NTAN1: variants seen among roughly 807,000 people sequenced by gnomAD.
NTAN1 encodes N-terminal asparagine amidase, also known as protein N-terminal asparagine amidohydrolase.
In NTAN1, 32 loss-of-function variants were observed where a neutral mutation model predicts 41.9. That is an observed-to-expected ratio of 0.76 (90% CI 0.58 to 1.03). The LOEUF (loss-of-function observed/expected upper bound fraction) is 1.03, where lower values mean the gene tolerates loss of function less well. NTAN1 is among the 50% of genes least tolerant of loss of function. NTAN1 has a pLI of 0.00. For synonymous variants in NTAN1, 140 were observed against 139.5 expected, an observed-to-expected ratio of 1.00 and a Z score of -0.03; for missense variants, 377 against 377.5, an observed-to-expected ratio of 1.00 and a Z score of 0.01.
chr16:15,041,796 C>T, intron 5 of NTAN1, 120 bp from the exon 6 acceptor site: 1 of 743,560 alleles, frequency 1.3e-6, no homozygotes, highest in Admixed American at 1.8e-5. Context: ...CGCCCTACAG[C>T]CCGCGCCCAC....
At chr16:15,049,101 C>T (rs1349795605) in intron 1 of NTAN1, among the ~76,000 whole-genome samples, 1 of 150,674 alleles carries the variant, frequency 6.6e-6, no homozygotes, top group Admixed American at 6.6e-5. Flanking sequence ...CCTATGCTCC[C>T]CAGGCTGGTC....
chr16:15,043,817 G>A (rs948041810), intron 5 of NTAN1, among the ~76,000 whole-genome samples: 5 of 151,940 alleles, frequency 3.3e-5, no homozygotes, highest in Admixed American at 1.3e-4. Context: ...GTGTGGTGGC[G>A]CACGCCTGTG....
At chr16:15,044,565 A>G (rs898549470) in intron 4 of NTAN1, 158 bp from the exon 5 acceptor site, 2 of 628,078 alleles carry the variant, frequency 3.2e-6, no homozygotes, top group Non-Finnish European at 5.7e-6. Context: ...TCGGCAGCAC[A>G]CTGCCAAGGC....
intron 1 of NTAN1, 87 bp downstream of exon 1, chr16:15,055,804 A>T: frequency 1.4e-6 from 1 of 709,606 alleles, no homozygotes; most frequent in Non-Finnish European, 2.0e-6. Flanking sequence ...GCCAAGTTTC[A>T]AGTCTGTGTC....
chr16:15,048,534 C>T (rs938980987), intron 1 of NTAN1, among the ~76,000 whole-genome samples: 1 of 151,184 alleles, frequency 6.6e-6, no homozygotes, highest in African/African-American at 2.4e-5. Context: ...CAGTTCTTTA[C>T]TAAAGAGTGT....
intron 4 of NTAN1, among the ~76,000 whole-genome samples, chr16:15,046,853 C>T (rs796786580): frequency 5.3e-5 from 8 of 152,044 alleles, no homozygotes; most frequent in Admixed American, 1.3e-4. Context: ...CCAGACAGGG[C>T]GACACAGCAA....
At chr16:15,047,214 G>A in intron 4 of NTAN1, 2 of 531,870 alleles carry the variant, frequency 3.8e-6, no homozygotes, top group Non-Finnish European at 6.7e-6. Flanking sequence ...TCAAAGTCAA[G>A]CCTTCCATCT....
chr16:15,041,419 G>A (rs532802457), intron 6 of NTAN1, among the ~76,000 whole-genome samples: 10 of 152,212 alleles, frequency 6.6e-5, no homozygotes, highest in Admixed American at 2.0e-4. Flanking sequence ...TGGTAGACGA[G>A]GGGGCTGCAC....
rs778606150 is a variant in NTAN1 at position 15,047,455 on chromosome 16, C to T, written c.346G>A (p.Ala116Thr). The T allele has an allele frequency of 1.3e-5, 21 of 1,603,214 alleles. No homozygotes were observed. Among genetic ancestry groups the T allele is most frequent in the African/African-American group, 2.7e-5 (2 of 74,482 alleles). ...CGTAGATCTCACCTTCCACATTGAG[C>T]GTGGTCAGAAAAGGATTTTATGGAG... ...MNSIKSFSDH[A>T]QCGRLEVHLV... The change falls in exon 4 of 10, where the codon GCT (alanine) becomes ACT (threonine). Residue 116 changes from alanine to threonine, a missense_variant. Physicochemically the swap from Ala to Thr is moderately conservative, Grantham distance 58. Transcript: ENST00000287706.
intron 1 of NTAN1, among the ~76,000 whole-genome samples, chr16:15,050,223 CT>C (rs1210169952): frequency 2.0e-5 from 3 of 152,170 alleles, no homozygotes; most frequent in Non-Finnish European, 4.4e-5. Flanking sequence ...TTAACAAAAA[CT>C]TTTTCAAAAT....
chr16:15,053,352 A>G (rs1396439164), intron 1 of NTAN1, among the ~76,000 whole-genome samples: 1 of 152,150 alleles, frequency 6.6e-6, no homozygotes, highest in Admixed American at 6.5e-5. Context: ...CCACTGTATG[A>G]CTTATTGTTA....
intron 6 of NTAN1, 41 bp downstream of exon 6, chr16:15,041,582 G>T: frequency 6.9e-7 from 1 of 1,459,754 alleles, no homozygotes; most frequent in Non-Finnish European, 9.6e-7. Flanking sequence ...AAACGGTCCT[G>T]AGACCCACAT....
intron 5 of NTAN1, among the ~76,000 whole-genome samples, chr16:15,043,313 G>C (rs2043907256): frequency 2.6e-5 from 4 of 152,216 alleles, no homozygotes; most frequent in African/African-American, 9.6e-5. Flanking sequence ...TGGGATTACA[G>C]GCATGAGCCA....
In NTAN1 at chr16:15,039,896, C is replaced by T. The variant is rs2043731492; in HGVS notation, c.639+73G>A. 7 of 843,782 alleles carry T rather than the reference C, an allele frequency of 8.3e-6. No individual in the cohort carries two copies. In the South Asian group the frequency reaches 9.0e-5, roughly 11 times the overall value. 52.3% of individuals were successfully genotyped at this position (843,782 alleles called of 1,614,324 possible). The stretch of plus-strand genomic sequence containing the variant: ...TGACAGCATAAACTTTTCTAAGATC[C>T]CAAAAACTTAAGGCCTTGACATTTG... On this transcript the variant is annotated intron_variant, in intron 8 of 9. Transcript: ENST00000287706.
intron 8 of NTAN1, 151 bp from the exon 9 acceptor site, chr16:15,038,838 T>C: frequency 1.7e-6 from 1 of 583,066 alleles, no homozygotes; most frequent in Non-Finnish European, 3.0e-6. Flanking sequence ...TGCCAGCTAC[T>C]GAACACGTCC....
intron 6 of NTAN1, among the ~76,000 whole-genome samples, chr16:15,041,416 C>A (rs565231910): frequency 6.6e-6 from 1 of 151,956 alleles, no homozygotes; most frequent in Non-Finnish European, 1.5e-5. Context: ...TCCTGGTAGA[C>A]GAGGGGGCTG....
At position 15,046,697 on chromosome 16, in the gene NTAN1, CAAAAAAAAAAAAA is replaced by C. The variant is rs9331444; in HGVS notation, c.359+732_359+744del. On this transcript the variant is annotated intron_variant, in intron 4 of 9. Transcript: ENST00000287706. The stretch of plus-strand genomic sequence containing the variant: ...CAACTTGGCAAAACCCTGTCTCTAC[CAAAAAAAAAAAAA>C]AAAAAAAAAAAAAAGCTAGCTGGGT... 1.4e-4 allele frequency among the ~76,000 whole-genome samples: 6 copies of C among 43,646 alleles called. No individual in the cohort carries two copies. In the South Asian group the frequency reaches 5.3e-3, roughly 38 times the overall value. 28.6% of individuals were successfully genotyped at this position (43,646 alleles called of 152,430 possible).
intron 1 of NTAN1, among the ~76,000 whole-genome samples, chr16:15,055,438 A>G (rs2044470070): frequency 6.6e-6 from 1 of 152,190 alleles, no homozygotes; most frequent in Non-Finnish European, 1.5e-5. Flanking sequence ...CCCCAGGCCA[A>G]ACGCTCTCCG....
At chr16:15,051,863 T>A (rs2044305591) in intron 1 of NTAN1, among the ~76,000 whole-genome samples, 1 of 152,210 alleles carries the variant, frequency 6.6e-6, no homozygotes, top group Admixed American at 6.5e-5. Context: ...GCCACCACAC[T>A]TGGCTAATTT....
Sources: gnomAD v4.1 joint callset for allele counts (sites outside exome capture counted in the v4.1 genomes callset) on GRCh38, gnomAD v4.1.1 for gene constraint, MANE v1.5 for transcripts, NCBI Gene and HGNC (gene_info 2026-07-23, HGNC 2026-07-21) for gene names.